CDKAL1: variants seen among roughly 807,000 people sequenced by gnomAD.
CDKAL1 encodes the protein threonylcarbamoyladenosine tRNA methylthiotransferase.
In CDKAL1, 32 loss-of-function variants were observed where a neutral mutation model predicts 68.2. That is an observed-to-expected ratio of 0.47 (90% CI 0.35 to 0.63). The LOEUF is 0.63. CDKAL1 is among the 30% of genes least tolerant of loss of function. CDKAL1 has a pLI of 0.00. For synonymous variants in CDKAL1, 234 were observed against 244.3 expected, an observed-to-expected ratio of 0.96 and a Z score of 0.39; for missense variants, 606 against 696.7, an observed-to-expected ratio of 0.87 and a Z score of 1.47.
intron 5 of CDKAL1, among the ~76,000 whole-genome samples, chr6:20,652,908 C>A (rs1312670036): frequency 6.6e-6 from 1 of 152,102 alleles, no homozygotes; most frequent in African/African-American, 2.4e-5. Flanking sequence ...TGAGTCATTT[C>A]CTTACTTTTA....
chr6:20,871,216 C>G (rs2150542250), intron 9 of CDKAL1, among the ~76,000 whole-genome samples: 1 of 152,232 alleles, frequency 6.6e-6, no homozygotes, highest in African/African-American at 2.4e-5. Context: ...ATAGCGTTAT[C>G]AGTACATGAA....
intron 14 of CDKAL1, among the ~76,000 whole-genome samples, chr6:21,198,981 T>C (rs1778580351): frequency 6.6e-6 from 1 of 152,248 alleles, no homozygotes; most frequent in South Asian, 2.1e-4. Flanking sequence ...TCCCATCTCA[T>C]GATAGCCTGT....
intron 9 of CDKAL1, among the ~76,000 whole-genome samples, chr6:20,913,115 T>TCA (rs1762541932): frequency 9.0e-5 from 7 of 77,392 alleles, no homozygotes; most frequent in African/African-American, 4.9e-4. Flanking sequence ...CCACAGTTGT[T>TCA]TACACACACA....
At chr6:20,919,133 G>C (rs1230072461) in intron 9 of CDKAL1, among the ~76,000 whole-genome samples, 3 of 152,184 alleles carry the variant, frequency 2.0e-5, no homozygotes, top group Non-Finnish European at 4.4e-5. Flanking sequence ...GCCAGGATGT[G>C]ACTCAAGTCA....
chr6:20,952,318 AGTGCAGAC>A (rs1230644747), intron 9 of CDKAL1, among the ~76,000 whole-genome samples: 27 of 152,250 alleles, frequency 1.8e-4, no homozygotes, highest in South Asian at 8.3e-4. Flanking sequence ...TCCAAGTTAT[AGTGCAGAC>A]TGGGACTATC....
chr6:21,194,098 C>T (rs887727436), intron 13 of CDKAL1, among the ~76,000 whole-genome samples: 1 of 152,196 alleles, frequency 6.6e-6, no homozygotes, highest in Admixed American at 6.5e-5. Context: ...TACCCATTCC[C>T]TCAAGAACTA....
chr6:20,976,548 G>A lies in CDKAL1; in HGVS notation c.909+20963G>A, dbSNP rs140167083. Among the ~76,000 whole-genome samples the A allele has an allele frequency of 7.6e-3, 1,151 of 152,138 alleles. 17 individuals carry two copies. The highest frequency in any genetic ancestry group is 0.026 in the African/African-American group (1,086 of 41,484). ...TGGTATAACATAAATACCATAAAGC[G>A]CAATGATCTTAAGTGCACAATGAGC... On this transcript the variant is annotated intron_variant, in intron 10 of 15. Transcript: ENST00000274695.
chr6:20,604,769 A>G (rs1292393737), intron 4 of CDKAL1, among the ~76,000 whole-genome samples: 2 of 152,240 alleles, frequency 1.3e-5, no homozygotes, highest in Non-Finnish European at 2.9e-5. Flanking sequence ...TACAAGATGT[A>G]GTATACAATT....
chr6:20,819,978 C>T (rs993367669), intron 8 of CDKAL1, among the ~76,000 whole-genome samples: 7 of 152,146 alleles, frequency 4.6e-5, no homozygotes, highest in Admixed American at 3.9e-4. Flanking sequence ...AGCAGCACTA[C>T]GTAGAAGAGG....
intron 9 of CDKAL1, among the ~76,000 whole-genome samples, chr6:20,853,213 C>G (rs1463516954): frequency 1.3e-5 from 2 of 151,868 alleles, no homozygotes; most frequent in Non-Finnish European, 2.9e-5. Context: ...GAAACCCCTT[C>G]TCTACTAAAA....
At chr6:20,924,188 T>C (rs1317363874) in intron 9 of CDKAL1, among the ~76,000 whole-genome samples, 2 of 147,362 alleles carry the variant, frequency 1.4e-5, no homozygotes, top group Non-Finnish European at 3.0e-5. Flanking sequence ...ATTGCTGATA[T>C]GAAGAAAGTT....
At chr6:20,957,127 T>C (rs1259330567) in intron 10 of CDKAL1, among the ~76,000 whole-genome samples, 1 of 150,606 alleles carries the variant, frequency 6.6e-6, no homozygotes, top group Non-Finnish European at 1.5e-5. Flanking sequence ...GTGTGGAGGG[T>C]AGGAAGGGAA....
At chr6:21,092,488 G>C (rs1773093443) in intron 12 of CDKAL1, among the ~76,000 whole-genome samples, 1 of 151,894 alleles carries the variant, frequency 6.6e-6, no homozygotes, top group Admixed American at 6.6e-5. Flanking sequence ...TCATTGTTCA[G>C]CTCCCACTTA....
At chr6:20,680,084 C>G (rs2127790207) in intron 5 of CDKAL1, among the ~76,000 whole-genome samples, 1 of 149,082 alleles carries the variant, frequency 6.7e-6, no homozygotes, top group South Asian at 2.1e-4. Flanking sequence ...TTATTTTTTT[C>G]TGAGACAAGC....
At chr6:20,639,585 A>G (rs909377223) in intron 4 of CDKAL1, among the ~76,000 whole-genome samples, 1 of 152,380 alleles carries the variant, frequency 6.6e-6, no homozygotes, top group Admixed American at 6.5e-5. Flanking sequence ...TGGTTACTCC[A>G]TGCTGAGCAT....
chr6:20,824,481 G>A (rs2150448306), intron 8 of CDKAL1, among the ~76,000 whole-genome samples: 1 of 152,210 alleles, frequency 6.6e-6, no homozygotes, highest in African/African-American at 2.4e-5. Context: ...TCACATGGTT[G>A]TTGGGAGCAT....
intron 13 of CDKAL1, among the ~76,000 whole-genome samples, chr6:21,127,430 A>T (rs1482295388): frequency 6.6e-6 from 1 of 152,296 alleles, no homozygotes; most frequent in East Asian, 1.9e-4. Flanking sequence ...TGCCAGAAAA[A>T]GGTGTAATAT....
intron 10 of CDKAL1, among the ~76,000 whole-genome samples, chr6:20,974,461 G>T (rs1245532012): frequency 1.3e-5 from 2 of 152,164 alleles, no homozygotes; most frequent in Non-Finnish European, 2.9e-5. Context: ...ATTGGATAGG[G>T]AAAATGAAAA....
chr6:20,711,286 T>C (rs1293430184), intron 5 of CDKAL1, among the ~76,000 whole-genome samples: 1 of 152,212 alleles, frequency 6.6e-6, no homozygotes, highest in African/African-American at 2.4e-5. Flanking sequence ...TTCCCAATAT[T>C]TCGAGTATGT....
Sources: allele counts gnomAD v4.1 joint callset (sites outside exome capture counted in the v4.1 genomes callset), GRCh38; gene constraint gnomAD v4.1.1; transcripts MANE v1.5; gene names NCBI Gene and HGNC (gene_info 2026-07-23, HGNC 2026-07-21).